TASP1: variants seen among roughly 807,000 people sequenced by gnomAD.
TASP1 encodes taspase 1.
Under a neutral mutation model 56.6 loss-of-function variants are expected in TASP1, and 16 were observed. The ratio of observed to expected loss-of-function variants is 0.28; its 90% CI spans 0.19 to 0.43. TASP1 has a LOEUF of 0.43. Among genes scored for constraint, TASP1 ranks in the 20% least tolerant of loss-of-function variants. The pLI is 1.00. For missense variants in TASP1, 393 were observed against 511.6 expected (o/e 0.77, Z 2.24); for synonymous variants, 179 against 184.2 (o/e 0.97, Z 0.23).
rs777068211 is a variant in TASP1, at chr20:13,479,463, C to CTT, written c.985+3762_985+3763dup. On this transcript the variant is annotated intron_variant, in intron 11 of 13. Transcript: ENST00000337743. Reference sequence around the variant, plus strand: ...ATTTAATGGCTAATTTGATTTACAACTTTTTTTTTTTTTTTTGAGACAGAG... The same window carrying CTT: ...ATTTAATGGCTAATTTGATTTACAACTTTTTTTTTTTTTTTTTTGAGACAGAG... Among the ~76,000 whole-genome samples, 610 of 141,810 alleles carry CTT rather than the reference C, an allele frequency of 4.3e-3. 3 individuals are homozygous for CTT. Among genetic ancestry groups the CTT allele is most frequent in the Middle Eastern group, 7.3e-3 (2 of 274 alleles). The allele number at this position is 141,810 out of a possible 152,430, so 93.0% of individuals were successfully genotyped here.
At chr20:13,106,183 T>G in the TASP1 span, among the ~76,000 whole-genome samples, 1 of 152,202 alleles carries the variant, frequency 6.6e-6, no homozygotes, top group Non-Finnish European at 1.5e-5. Context: ...TTCTAATAAT[T>G]CTTATTTCTA....
chr20:13,383,263 C>A, the TASP1 span, among the ~76,000 whole-genome samples: 1 of 152,238 alleles, frequency 6.6e-6, no homozygotes, highest in Non-Finnish European at 1.5e-5. Flanking sequence ...GCAGGGAGAC[C>A]AGTGCAGAAC....
At chr20:13,214,211 T>C in the TASP1 span, among the ~76,000 whole-genome samples, 9 of 152,172 alleles carry the variant, frequency 5.9e-5, no homozygotes, top group African/African-American at 1.9e-4. Flanking sequence ...ATACCTACTG[T>C]AGTATTTGAG....
chr20:13,199,832 AT>A, the TASP1 span, among the ~76,000 whole-genome samples: 10 of 152,262 alleles, frequency 6.6e-5, no homozygotes, highest in South Asian at 6.2e-4. Context: ...CTTGCACTTT[AT>A]TTCAATTATT....
intron 5 of TASP1, among the ~76,000 whole-genome samples, chr20:13,584,397 C>G (rs181738851): frequency 6.6e-6 from 1 of 152,086 alleles, no homozygotes; most frequent in African/African-American, 2.4e-5. Flanking sequence ...CATTTATAAA[C>G]AGGGTTAAAA....
chr20:13,573,921 C>T (rs191361828), intron 6 of TASP1, among the ~76,000 whole-genome samples: 310 of 152,270 alleles, frequency 2.0e-3, no homozygotes, highest in Non-Finnish European at 3.2e-3. Flanking sequence ...CCAGCAATAT[C>T]TCTGAGTTGA....
At chr20:13,490,571 A>T (rs1030302624) in intron 10 of TASP1, among the ~76,000 whole-genome samples, 2 of 152,184 alleles carry the variant, frequency 1.3e-5, no homozygotes, top group African/African-American at 2.4e-5. Context: ...CATAGGAGAA[A>T]TCTGATATTT....
chr20:13,306,308 T>C, the TASP1 span, among the ~76,000 whole-genome samples: 2 of 152,138 alleles, frequency 1.3e-5, no homozygotes, highest in Non-Finnish European at 2.9e-5. Flanking sequence ...ACAAAGGTCA[T>C]AGCTAAATCA....
chr20:13,443,172 A>T (rs1280659760), intron 11 of TASP1, among the ~76,000 whole-genome samples: 1 of 152,208 alleles, frequency 6.6e-6, no homozygotes, highest in Non-Finnish European at 1.5e-5. Context: ...GGCCTAGTTA[A>T]TCTTCTACAA....
intron 13 of TASP1, among the ~76,000 whole-genome samples, chr20:13,411,598 A>T (rs1270613729): frequency 6.6e-6 from 1 of 152,176 alleles, no homozygotes; most frequent in Non-Finnish European, 1.5e-5. Flanking sequence ...TTGGTGTATA[A>T]AAATGCTACT....
chr20:13,341,439 T>C, the TASP1 span, among the ~76,000 whole-genome samples: 9 of 152,192 alleles, frequency 5.9e-5, no homozygotes, highest in Non-Finnish European at 1.3e-4. Flanking sequence ...GTTGGCAAGT[T>C]AACTTCTTGG....
At chr20:13,108,957 T>A in the TASP1 span, among the ~76,000 whole-genome samples, 3 of 152,292 alleles carry the variant, frequency 2.0e-5, no homozygotes, top group Admixed American at 2.0e-4. Context: ...TTCAGTTTCA[T>A]CTTCTCAAAA....
chr20:13,477,466 A>G (rs2042986031), intron 11 of TASP1, among the ~76,000 whole-genome samples: 2 of 152,080 alleles, frequency 1.3e-5, no homozygotes, highest in South Asian at 4.1e-4. Flanking sequence ...ACAGAAACCA[A>G]CTAAAAAAAA....
chr20:13,406,320 TATTTAG>T (rs1254509941), intron 13 of TASP1, among the ~76,000 whole-genome samples: 1 of 152,252 alleles, frequency 6.6e-6, no homozygotes, highest in Admixed American at 6.5e-5. Flanking sequence ...CATGTTTCTC[TATTTAG>T]ATTGTCTTTT....
chr20:13,537,662 G>T (rs1328164736), intron 8 of TASP1, among the ~76,000 whole-genome samples: 1 of 152,084 alleles, frequency 6.6e-6, no homozygotes, highest in African/African-American at 2.4e-5. Context: ...CATGCTATTT[G>T]TATTACTTTT....
At chr20:13,578,002 A>C (rs957103819) in intron 6 of TASP1, among the ~76,000 whole-genome samples, 1 of 152,202 alleles carries the variant, frequency 6.6e-6, no homozygotes, top group East Asian at 1.9e-4. Flanking sequence ...CTTCTCATGA[A>C]GGCATTTTGT....
the TASP1 span, among the ~76,000 whole-genome samples, chr20:13,164,197 G>A: frequency 9.9e-5 from 15 of 152,152 alleles, no homozygotes; most frequent in African/African-American, 3.6e-4. Context: ...CCTAAAGTAA[G>A]AGAGTTGAAA....
intron 12 of TASP1, among the ~76,000 whole-genome samples, chr20:13,421,877 C>A (rs2042446017): frequency 6.6e-6 from 1 of 151,924 alleles, no homozygotes; most frequent in African/African-American, 2.4e-5. Context: ...GGGCTAAGTT[C>A]CTGCAAATCT....
intron 10 of TASP1, among the ~76,000 whole-genome samples, chr20:13,492,404 G>A (rs560966302): frequency 3.1e-4 from 47 of 152,230 alleles, no homozygotes; most frequent in African/African-American, 2.4e-5. Context: ...TACACAGTAC[G>A]TCACCTTTTC....
Sources: allele counts gnomAD v4.1 joint callset (sites outside exome capture counted in the v4.1 genomes callset), GRCh38; gene constraint gnomAD v4.1.1; transcripts MANE v1.5; gene names NCBI Gene and HGNC (gene_info 2026-07-23, HGNC 2026-07-21).